SETD4: variants seen among roughly 807,000 people sequenced by gnomAD.
SETD4 encodes SET domain-containing protein 4.
In SETD4, 46 loss-of-function variants were observed where a neutral mutation model predicts 58.3. The observed-to-expected ratio is 0.79, with a 90% CI of 0.62 to 1.01. The LOEUF (loss-of-function observed/expected upper bound fraction) is 1.01, where lower values mean the gene tolerates loss of function less well. Ranked by LOEUF, SETD4 falls within the 50% of genes least tolerant of loss-of-function variation. The pLI is 0.00. For synonymous variants in SETD4, 190 were observed against 202.6 expected, an observed-to-expected ratio of 0.94 and a Z score of 0.53; for missense variants, 490 against 523.3, an observed-to-expected ratio of 0.94 and a Z score of 0.62.
chr21:36,038,060 A>G lies in SETD4; in HGVS notation c.1188+90T>C. ...ATTTAAGGCACTAAACAATGCTCTT[A>G]TGAAATGCACTATCCCTAATAACAT... On this transcript the variant is annotated intron_variant, in intron 10 of 11. Coordinates refer to ENST00000332131, the MANE Select transcript of SETD4 (RefSeq NM_017438.5). 2.8e-6 allele frequency: 4 copies of G among 1,407,452 alleles called. No homozygotes were observed. The Admixed American group carries it at 7.1e-5, about 25-fold the overall frequency. 87.2% of individuals were successfully genotyped at this position (1,407,452 alleles called of 1,614,324 possible). A position where few individuals can be genotyped will look rare whatever the true frequency, so the allele number is the denominator to read the frequency against.
intron 1 of SETD4, 139 bp downstream of exon 1, chr21:36,060,208 G>A: frequency 1.2e-6 from 1 of 833,118 alleles, no homozygotes; most frequent in Non-Finnish European, 1.4e-6. Context: ...ACACGATAAT[G>A]CCTGCCCTGG....
In SETD4 at chr21:36,043,775, T is replaced by C; in HGVS notation, c.901+7A>G. The C allele has an allele frequency of 6.2e-7, 1 of 1,613,894 alleles. No homozygotes were observed. Among genetic ancestry groups the C allele is most frequent in the East Asian group, 2.2e-5 (1 of 44,880 alleles). On this transcript the variant is annotated splice_region_variant and intron_variant, in intron 7 of 11. Transcript: ENST00000332131. ...GTGTTAATGTTAAGAACAAAGTTGATTCCAACCTCTTGAGACATAAACACA... is the reference window on the plus strand; with the variant it reads ...GTGTTAATGTTAAGAACAAAGTTGACTCCAACCTCTTGAGACATAAACACA...
Position 36,036,093 on chromosome 21 carries a change from G to A in SETD4, c.*24C>T, listed in dbSNP as rs1481457063. ...GTGTGACTAACACCCACCAGAGGAG[G>A]TGACCAAATGCGCTTCGGTGAAATC... is the stretch of plus-strand genomic sequence containing the variant. On this transcript the variant is annotated 3_prime_UTR_variant, in exon 11 of 12. Coordinates refer to ENST00000332131, the MANE Select transcript of SETD4 (RefSeq NM_017438.5). 1.2e-6 allele frequency: 2 copies of A among 1,614,046 alleles called. No individual in the cohort carries two copies. The highest frequency in any genetic ancestry group is 1.7e-5 in the Admixed American group (1 of 60,000).
chr21:36,036,398 G>A (rs966239327), intron 10 of SETD4, 147 bp from the exon 11 acceptor site: 4 of 853,098 alleles, frequency 4.7e-6, no homozygotes, highest in Admixed American at 3.2e-5. Flanking sequence ...CCACTCTCCA[G>A]CTCCAGAACT....
chr21:36,055,420 T>C (rs1255121015), intron 3 of SETD4, among the ~76,000 whole-genome samples: 1 of 152,196 alleles, frequency 6.6e-6, no homozygotes, highest in Admixed American at 6.5e-5. Flanking sequence ...AAATTTCCAC[T>C]ATCATCAATC....
chr21:36,051,282 G>A (rs1272698497), intron 4 of SETD4: 2 of 1,593,958 alleles, frequency 1.3e-6, no homozygotes, highest in African/African-American at 1.3e-5. Context: ...CAGTGACCCT[G>A]AAAGCATGGA....
chr21:36,044,083 C>T (rs976643072), intron 6 of SETD4, 127 bp from the exon 7 acceptor site: 15 of 1,154,188 alleles, frequency 1.3e-5, no homozygotes, highest in Admixed American at 5.1e-5. Context: ...AATGTAACTA[C>T]GCATAGGGAA....
intron 4 of SETD4, among the ~76,000 whole-genome samples, chr21:36,052,267 C>A (rs981068266): frequency 1.3e-5 from 2 of 151,974 alleles, no homozygotes; most frequent in East Asian, 3.9e-4. Context: ...TACTTTTGGG[C>A]CAGGCATAGT....
chr21:36,038,050 C>A, intron 10 of SETD4, 100 bp downstream of exon 10: 1 of 1,332,050 alleles, frequency 7.5e-7, no homozygotes. Flanking sequence ...AGGCACTAAA[C>A]AATGCTCTTA....
chr21:36,047,619 G>A (rs2064392139), intron 5 of SETD4, among the ~76,000 whole-genome samples: 1 of 152,040 alleles, frequency 6.6e-6, no homozygotes, highest in African/African-American at 2.4e-5. Flanking sequence ...TTCTTAGTCA[G>A]TGATGGATCG....
chr21:36,048,546 G>A, intron 4 of SETD4, 150 bp from the exon 5 acceptor site: 2 of 693,146 alleles, frequency 2.9e-6, no homozygotes, highest in South Asian at 3.4e-5. Context: ...CAATGGAGTC[G>A]CTCCCAACTC....
chr21:36,050,269 G>C, intron 4 of SETD4: 2 of 1,562,672 alleles, frequency 1.3e-6, no homozygotes, highest in Non-Finnish European at 1.8e-6. Flanking sequence ...TGTCCCATCA[G>C]GGAAGACTAT....
intron 10 of SETD4, 70 bp downstream of exon 10, chr21:36,038,080 T>C: frequency 1.3e-6 from 2 of 1,520,764 alleles, no homozygotes; most frequent in Non-Finnish European, 8.9e-7. Context: ...CTATCCCTAA[T>C]AACATGTACA....
rs116929880 is a variant in SETD4 at position 36,057,049 on chromosome 21, C to A, written c.169+60G>T. ...CTGAGGCCCACCTGCAAGAGTGGCC[C>A]CTGCTGTCTACCTGGCTCTCGTGTG... On this transcript the variant is annotated intron_variant, in intron 3 of 11. Transcript: ENST00000332131. 3.0e-6 allele frequency: 4 copies of A among 1,340,886 alleles called. No individual in the cohort carries two copies. In the Admixed American group the frequency reaches 5.1e-5, roughly 17 times the overall value. The allele number at this position is 1,340,886 out of a possible 1,614,324, so 83.1% of individuals were successfully genotyped here.
intron 8 of SETD4, 75 bp downstream of exon 8, chr21:36,041,732 T>C (rs1480025464): frequency 1.9e-6 from 2 of 1,030,848 alleles, no homozygotes; most frequent in African/African-American, 3.2e-5. Flanking sequence ...CTCACCCCCA[T>C]GGAAAATTTA....
rs182958152 is a variant in SETD4 at position 36,035,465 on chromosome 21, G to A, written c.*528C>T. 1 of 152,502 alleles carries A rather than the reference G, an allele frequency of 6.6e-6. No individual in the cohort carries two copies. The highest frequency in any genetic ancestry group is 2.1e-4 in the South Asian group (1 of 4,840). The allele number at this position is 152,502 out of a possible 1,614,324, so 9.4% of individuals were successfully genotyped here. Reference sequence around the variant, plus strand: ...AATAATTAGACAAGCGCCACCTTGAGAGGCCAGGAGCATGCTTAGAGGACA... The same window carrying A: ...AATAATTAGACAAGCGCCACCTTGAAAGGCCAGGAGCATGCTTAGAGGACA... On this transcript the variant is annotated 3_prime_UTR_variant, in exon 12 of 12. Transcript: ENST00000332131.
chr21:36,037,913 T>C (rs957969998), intron 10 of SETD4, among the ~76,000 whole-genome samples: 3 of 152,070 alleles, frequency 2.0e-5, no homozygotes. Context: ...GGAGGATCGC[T>C]TGAACCTGGG....
At chr21:36,046,203 G>T (rs188331247) in intron 5 of SETD4, among the ~76,000 whole-genome samples, 192 bp from the exon 6 acceptor site, 81 of 152,298 alleles carry the variant, frequency 5.3e-4, no homozygotes, top group African/African-American at 1.8e-3. Flanking sequence ...CCCAGTGCTA[G>T]TGCTCTGAAA....
At position 36,043,866 on chromosome 21, in the gene SETD4, C is replaced by T. The variant is rs774123745; in HGVS notation, c.817G>A (p.Gly273Ser). The T allele has an allele frequency of 1.5e-5, 24 of 1,614,020 alleles. No individual in the cohort carries two copies. Among genetic ancestry groups the T allele is most frequent in the Admixed American group, 1.0e-4 (6 of 59,978 alleles). Residue 273 changes from glycine to serine, a missense_variant, in exon 7 of 12, where the codon GGC becomes AGC. Transcript: ENST00000332131. Reference sequence around the variant, plus strand: ...AACAGCCGTTGATTATCGTGAGGGCCGTAACAGATGAATACCTCTTCATGC... The same window carrying T: ...AACAGCCGTTGATTATCGTGAGGGCTGTAACAGATGAATACCTCTTCATGC... ...RKHEEVFICY[G>S]PHDNQRLFLE...
Sources: gnomAD v4.1 joint callset for allele counts (sites outside exome capture counted in the v4.1 genomes callset) on GRCh38, gnomAD v4.1.1 for gene constraint, MANE v1.5 for transcripts, NCBI Gene and HGNC (gene_info 2026-07-23, HGNC 2026-07-21) for gene names.